ACTR3C: variants seen among roughly 807,000 people sequenced by gnomAD.
ACTR3C encodes the protein actin-related protein 3C.
A neutral mutation model predicts 26.3 loss-of-function variants in ACTR3C; 18 were observed. The ratio of observed to expected loss-of-function variants is 0.68; its 90% confidence interval spans 0.47 to 1.01. The LOEUF (loss-of-function observed/expected upper bound fraction) is 1.01. Among genes scored for constraint, ACTR3C ranks in the 50% least tolerant of loss-of-function variants. ACTR3C has a pLI of 0.00. For synonymous variants in ACTR3C, 55 were observed against 94.5 expected, an observed-to-expected ratio of 0.58 and a Z score of 2.42; for missense variants, 184 against 250.7, an observed-to-expected ratio of 0.73 and a Z score of 1.80.
chr7:149,933,497 C>T, the ACTR3C span, among the ~76,000 whole-genome samples: 22 of 151,746 alleles, frequency 1.4e-4, no homozygotes, highest in African/African-American at 3.6e-4. Flanking sequence ...GTTAAGCCAG[C>T]GAATGAAATT....
the ACTR3C span, chr7:150,041,405 C>T: frequency 6.8e-6 from 1 of 146,880 alleles, no homozygotes; most frequent in Non-Finnish European, 1.5e-5. Flanking sequence ...TGTAAGGTAC[C>T]TGCCGTCGGA....
At chr7:150,180,564 G>C in the ACTR3C span, among the ~76,000 whole-genome samples, 187 of 143,360 alleles carry the variant, frequency 1.3e-3, 3 homozygotes, top group Non-Finnish European at 2.0e-3. Flanking sequence ...CCAGGCTGGA[G>C]TGCAGTGGCG....
chr7:150,254,865 A>G (rs1048875694), intron 6 of ACTR3C, among the ~76,000 whole-genome samples: 3 of 152,056 alleles, frequency 2.0e-5, no homozygotes, highest in Non-Finnish European at 2.9e-5. Context: ...AGGTAACAAA[A>G]CCAATTTCCA....
At chr7:149,995,637 C>A in the ACTR3C span, among the ~76,000 whole-genome samples, 1 of 152,250 alleles carries the variant, frequency 6.6e-6, no homozygotes, top group Non-Finnish European at 1.5e-5. Flanking sequence ...CTGATCTGAA[C>A]TGGAAATTAC....
chr7:149,910,662 G>T, the ACTR3C span, among the ~76,000 whole-genome samples: 1 of 152,102 alleles, frequency 6.6e-6, no homozygotes, highest in Non-Finnish European at 1.5e-5. Flanking sequence ...AACACTAGCA[G>T]TGTTGAAACT....
chr7:150,176,430 T>C, the ACTR3C span, among the ~76,000 whole-genome samples: 1 of 150,916 alleles, frequency 6.6e-6, no homozygotes, highest in Non-Finnish European at 1.5e-5. Context: ...AAAGCCTTCC[T>C]CTAATTAACT....
At chr7:150,181,404 T>A in the ACTR3C span, among the ~76,000 whole-genome samples, 59 of 149,758 alleles carry the variant, frequency 3.9e-4, 5 homozygotes, top group East Asian at 2.5e-3. Context: ...GCAACATAGC[T>A]AGAGCCCATC....
In ACTR3C at chr7:150,321,550, G is replaced by A. The variant is rs969261555; in HGVS notation, c.-52+1919C>T. ...AAGTCAGGAGTTTGAGACCACCCTGGCCAATATGGCGAAACCCCGTCTCTA... is the reference window on the plus strand; with the variant it reads ...AAGTCAGGAGTTTGAGACCACCCTGACCAATATGGCGAAACCCCGTCTCTA... On this transcript the variant is annotated intron_variant, in intron 1 of 7. Transcript: ENST00000683684. Among the ~76,000 whole-genome samples, 3 of 152,146 alleles carry A rather than the reference G, an allele frequency of 2.0e-5. No homozygotes were observed. In the East Asian group the frequency reaches 5.8e-4, roughly 29 times the overall value.
intron 1 of ACTR3C, among the ~76,000 whole-genome samples, chr7:150,302,052 AAAC>A (rs1388294960): frequency 1.2e-4 from 19 of 152,154 alleles, no homozygotes; most frequent in African/African-American, 4.6e-4. Flanking sequence ...AGTTAAGTAA[AAAC>A]AAAGTTCATA....
chr7:150,314,546 C>A (rs938834603), intron 1 of ACTR3C, among the ~76,000 whole-genome samples: 1 of 152,044 alleles, frequency 6.6e-6, no homozygotes, highest in African/African-American at 2.4e-5. Flanking sequence ...ATGTGTGAAG[C>A]AAATGTGGCA....
At chr7:150,124,195 C>T in the ACTR3C span, among the ~76,000 whole-genome samples, 2 of 152,224 alleles carry the variant, frequency 1.3e-5, no homozygotes, top group African/African-American at 2.4e-5. Context: ...CCTGATTCAA[C>T]ATCAGATCTT....
At chr7:150,167,464 TA>T in the ACTR3C span, among the ~76,000 whole-genome samples, 1 of 150,962 alleles carries the variant, frequency 6.6e-6, no homozygotes, top group African/African-American at 2.5e-5. Context: ...AATATTGGGA[TA>T]ATAGAATGCG....
At chr7:150,234,541 AGTTTATC>A in the ACTR3C span, among the ~76,000 whole-genome samples, 1 of 152,216 alleles carries the variant, frequency 6.6e-6, no homozygotes, top group South Asian at 2.1e-4. Context: ...TGACCCCAGG[AGTTTATC>A]ACTCTCACGC....
intron 6 of ACTR3C, among the ~76,000 whole-genome samples, chr7:150,263,335 C>T (rs1833792832): frequency 1.3e-5 from 2 of 152,274 alleles, no homozygotes; most frequent in South Asian, 4.1e-4. Flanking sequence ...GTCTGTCTAT[C>T]TAATCATCGT....
chr7:149,929,618 G>T, the ACTR3C span, among the ~76,000 whole-genome samples: 715 of 141,608 alleles, frequency 5.0e-3, 5 homozygotes, highest in African/African-American at 0.018. Context: ...TGCAACCTCC[G>T]CCTCTCGGGT....
intron 4 of ACTR3C, among the ~76,000 whole-genome samples, chr7:150,288,306 C>T (rs1244793220): frequency 6.6e-6 from 1 of 150,438 alleles, no homozygotes; most frequent in Non-Finnish European, 1.5e-5. Context: ...TCAGGAAAGC[C>T]CCTCCTTGGC....
the ACTR3C span, among the ~76,000 whole-genome samples, chr7:149,943,663 A>G: frequency 7.2e-5 from 11 of 152,246 alleles, no homozygotes; most frequent in Non-Finnish European, 1.6e-4. Flanking sequence ...GTGAGCCGAG[A>G]TCCCGCCATT....
chr7:150,039,874 T>C, the ACTR3C span, among the ~76,000 whole-genome samples: 1 of 125,876 alleles, frequency 7.9e-6, no homozygotes, highest in Non-Finnish European at 1.8e-5. Flanking sequence ...GAAGAGGGGC[T>C]CGCTCTCAGT....
chr7:150,060,370 A>G, the ACTR3C span, among the ~76,000 whole-genome samples: 40 of 150,856 alleles, frequency 2.7e-4, no homozygotes, highest in African/African-American at 9.5e-4. Flanking sequence ...AGCATTAAAA[A>G]GTGACAAAAA....
Sources: gnomAD v4.1 joint callset for allele counts (sites outside exome capture counted in the v4.1 genomes callset) on GRCh38, gnomAD v4.1.1 for gene constraint, MANE v1.5 for transcripts, NCBI Gene and HGNC (gene_info 2026-07-23, HGNC 2026-07-21) for gene names.